The following IPO7 variants were observed in gnomAD, a reference collection of about 807,000 sequenced individuals.
The protein encoded by IPO7 is importin 7.
A neutral mutation model predicts 136.4 loss-of-function variants in IPO7; 13 were observed. The observed-to-expected ratio is 0.10, with a 90% CI of 0.06 to 0.15. The LOEUF is 0.15. Among genes scored for constraint, IPO7 ranks in the 10% least tolerant of loss-of-function variants. The probability of loss-of-function intolerance (pLI) is 1.00; values close to 1 mark genes in which losing one functional copy is unlikely to be tolerated. For synonymous variants in IPO7, 403 were observed against 404.4 expected (o/e 1.00, Z 0.04); for missense variants, 857 against 1,240.6 (o/e 0.69, Z 4.65).
At chr11:9,411,130 T>A (rs988959068) in intron 4 of IPO7, among the ~76,000 whole-genome samples, 5 of 152,170 alleles carry the variant, frequency 3.3e-5, no homozygotes, top group Non-Finnish European at 7.3e-5. Flanking sequence ...CAATAAGCTG[T>A]CAATATCATT....
intron 19 of IPO7, 123 bp from the exon 20 acceptor site, chr11:9,436,148 A>G (rs777602175): frequency 1.6e-6 from 1 of 632,602 alleles, no homozygotes; most frequent in Non-Finnish European, 2.8e-6. Flanking sequence ...AGTTATTCAT[A>G]TTAATTAGGG....
intron 1 of IPO7, among the ~76,000 whole-genome samples, chr11:9,386,429 G>A (rs890176821): frequency 4.6e-5 from 7 of 152,154 alleles, no homozygotes; most frequent in Non-Finnish European, 7.4e-5. Flanking sequence ...CATGGGTTAA[G>A]TTGAAAATTA....
At chr11:9,438,648 A>C (rs76362919) in intron 22 of IPO7, among the ~76,000 whole-genome samples, 6 of 152,058 alleles carry the variant, frequency 3.9e-5, no homozygotes, top group African/African-American at 1.4e-4. Flanking sequence ...ATATATATAT[A>C]TATCACTAGC....
At chr11:9,400,906 C>T (rs1227542426) in intron 1 of IPO7, among the ~76,000 whole-genome samples, 6 of 151,782 alleles carry the variant, frequency 4.0e-5, no homozygotes, top group African/African-American at 7.3e-5. Context: ...AATAGCTGGG[C>T]GCAGGTGGCT....
At position 9,434,979 on chromosome 11, in the gene IPO7, C is replaced by A; in HGVS notation, c.2120C>A (p.Thr707Lys). The change falls in exon 19 of 25, where the codon ACA (threonine) becomes AAA (lysine). Residue 707 changes from threonine (T) to lysine (K), a missense_variant. This residue lies in a region of IPO7 where 190 missense variants were observed against 249.0 expected (regional missense o/e 0.76). Transcript: ENST00000379719. Reference sequence around the variant, plus strand: ...AATTATGTAACAGTTGATACAGACACACTTCTGTCTGACACCAAGTATCTT... The same window carrying A: ...AATTATGTAACAGTTGATACAGACAAACTTCTGTCTGACACCAAGTATCTT... ...LHNYVTVDTD[T>K]LLSDTKYLEM... The A allele has an allele frequency of 6.2e-7, 1 of 1,608,860 alleles. No homozygotes were observed. Among genetic ancestry groups the A allele is most frequent in the Non-Finnish European group, 8.5e-7 (1 of 1,175,522 alleles).
In IPO7 at chr11:9,408,552, T is replaced by C. The variant is rs1470209088; in HGVS notation, c.233T>C (p.Ile78Thr). The change falls in exon 3 of 25, where the codon ATA (isoleucine) becomes ACA (threonine). Residue 78 changes from isoleucine to threonine, a missense_variant. Around this residue, in one of 11 missense-constraint regions of IPO7, gnomAD observed 287 missense variants for 307.5 expected, o/e 0.93. Transcript: ENST00000379719. ...GATCGAGAAACAGCACCAGGGGATA[T>C]ATCCCCTTATACTATTCCAGAAGAA... ...WPDRETAPGD[I>T]SPYTIPEEDR... 1.9e-6 allele frequency: 3 copies of C among 1,608,562 alleles called. No homozygotes were observed. The highest frequency in any genetic ancestry group is 1.7e-5 in the Admixed American group (1 of 59,080).
chr11:9,408,873 C>A (rs1218086278), intron 3 of IPO7, among the ~76,000 whole-genome samples: 1 of 151,494 alleles, frequency 6.6e-6, no homozygotes, highest in Non-Finnish European at 1.5e-5. Flanking sequence ...GGCACCACGC[C>A]CAGCTAATTT....
intron 1 of IPO7, among the ~76,000 whole-genome samples, chr11:9,391,935 T>G (rs1854639074): frequency 6.6e-6 from 1 of 151,588 alleles, no homozygotes; most frequent in African/African-American, 2.4e-5. Flanking sequence ...CCTGCCTAAG[T>G]TTTTTATTTT....
chr11:9,418,770 T>A (rs111881214), intron 6 of IPO7, among the ~76,000 whole-genome samples: 1 of 152,210 alleles, frequency 6.6e-6, no homozygotes, highest in East Asian at 1.9e-4. Flanking sequence ...TATGTACCCA[T>A]GTAGCCATCA....
chr11:9,392,329 T>G (rs1854647581), intron 1 of IPO7: 3 of 285,152 alleles, frequency 1.1e-5, no homozygotes, highest in South Asian at 2.7e-5. Context: ...AGGTATGCAT[T>G]ACCACGTCCG....
Position 9,387,435 on chromosome 11 carries a change from C to T in IPO7, c.84+2588C>T, listed in dbSNP as rs1328125863. Among the ~76,000 whole-genome samples, 4 of 152,230 alleles carry T rather than the reference C, an allele frequency of 2.6e-5. 1 individual carries two copies. The highest frequency in any genetic ancestry group is 9.6e-5 in the African/African-American group (4 of 41,456). On this transcript the variant is annotated intron_variant, in intron 1 of 24. Transcript: ENST00000379719. ...TCCTTCCATCCCTGTTCAAATGTCT[C>T]CTTATCACTGAGGAGTTCCTTGACC... is the stretch of plus-strand genomic sequence containing the variant.
rs1376763673 is a variant in IPO7, at chr11:9,425,061, T to C, written c.1218+71T>C. 12 of 1,297,568 alleles carry C rather than the reference T, an allele frequency of 9.2e-6. No homozygotes were observed. In the South Asian group the frequency reaches 1.2e-4, roughly 13 times the overall value. The allele number at this position is 1,297,568 out of a possible 1,614,324, so 80.4% of individuals were successfully genotyped here. A position where few individuals can be genotyped will look rare whatever the true frequency, so the allele number is the denominator to read the frequency against. ...TTTATTCAACTATACACTTTTTAAA[T>C]GTTAGTCATGTGAGTCATTTTGTTA... On this transcript the variant is annotated intron_variant, in intron 11 of 24. Transcript: ENST00000379719.
chr11:9,395,954 C>G (rs886485167), intron 1 of IPO7, among the ~76,000 whole-genome samples: 1 of 151,500 alleles, frequency 6.6e-6, no homozygotes, highest in African/African-American at 2.4e-5. Context: ...AACTCCTGAC[C>G]TCAGGTGATC....
In IPO7 at chr11:9,428,647, ATT is replaced by A; in HGVS notation, c.1425+19_1425+20del. On this transcript the variant is annotated intron_variant, in intron 13 of 24. Coordinates refer to ENST00000379719, the MANE Select transcript of IPO7 (RefSeq NM_006391.3). ...GAGCAAGGGTATGTTTTAAAGCTGC[ATT>A]ATTTATATACTTTTGTCTTGTAATG... is the stretch of plus-strand genomic sequence containing the variant. The A allele has an allele frequency of 4.6e-6, 6 of 1,292,546 alleles. No homozygotes were observed. In the South Asian group the frequency reaches 7.2e-5, roughly 16 times the overall value. The allele number at this position is 1,292,546 out of a possible 1,614,324, so 80.1% of individuals were successfully genotyped here.
intron 18 of IPO7, 48 bp downstream of exon 18, chr11:9,433,894 T>A: frequency 6.4e-7 from 1 of 1,562,262 alleles, no homozygotes; most frequent in Non-Finnish European, 8.6e-7. Flanking sequence ...CTGCTTTGAT[T>A]TATTTGTAGC....
chr11:9,428,854 A>C (rs747460144), intron 13 of IPO7, 177 bp from the exon 14 acceptor site: 6 of 793,636 alleles, frequency 7.6e-6, no homozygotes, highest in Non-Finnish European at 1.4e-5. Flanking sequence ...CTATCCACAC[A>C]AACATCATGC....
At chr11:9,419,287 C>T (rs944594925) in intron 6 of IPO7, among the ~76,000 whole-genome samples, 6 of 151,754 alleles carry the variant, frequency 4.0e-5, no homozygotes, top group African/African-American at 7.3e-5. Flanking sequence ...TGGTGGCTTA[C>T]GCCTGTAATC....
intron 1 of IPO7, among the ~76,000 whole-genome samples, chr11:9,392,927 C>T (rs934374429): frequency 3.0e-5 from 4 of 134,584 alleles, no homozygotes; most frequent in East Asian, 2.1e-4. Flanking sequence ...CTAGCCTGGG[C>T]GACAGCAAGA....
chr11:9,409,903 C>A (rs766232113), intron 3 of IPO7, 25 bp from the exon 4 acceptor site: 4 of 1,479,608 alleles, frequency 2.7e-6, no homozygotes, highest in Non-Finnish European at 3.6e-6. Flanking sequence ...GGATTTTTTC[C>A]TTACTGTTTT....
Sources: allele counts gnomAD v4.1 joint callset (sites outside exome capture counted in the v4.1 genomes callset), GRCh38; gene constraint gnomAD v4.1.1; regional missense constraint gnomAD v4.1.1; transcripts MANE v1.5; gene names NCBI Gene and HGNC (gene_info 2026-07-23, HGNC 2026-07-21).